SNX29: variants seen among roughly 807,000 people sequenced by gnomAD.
SNX29 encodes the protein sorting nexin-29.
Under a neutral mutation model 102.1 loss-of-function variants are expected in SNX29, and 78 were observed. That is an observed-to-expected ratio of 0.76 (90% CI 0.64 to 0.92). SNX29 has a LOEUF of 0.92. Ranked by LOEUF, SNX29 falls within the 40% of genes least tolerant of loss-of-function variation. The pLI is 0.00. For synonymous variants in SNX29, 580 were observed against 414.5 expected, an observed-to-expected ratio of 1.40 and a Z score of -4.85; for missense variants, 1,280 against 1,061.7, an observed-to-expected ratio of 1.21 and a Z score of -2.86.
At chr16:12,556,803 A>G (rs1399899655) in intron 20 of SNX29, among the ~76,000 whole-genome samples, 1 of 152,104 alleles carries the variant, frequency 6.6e-6, no homozygotes, top group Non-Finnish European at 1.5e-5. Flanking sequence ...TGCCCCCTTT[A>G]CTAAAGTACA....
chr16:12,284,078 G>A (rs1364887937), intron 15 of SNX29, among the ~76,000 whole-genome samples: 1 of 152,196 alleles, frequency 6.6e-6, no homozygotes, highest in South Asian at 2.1e-4. Flanking sequence ...CATTTCCTTT[G>A]GTTTGGACTC....
chr16:12,281,806 C>G (rs1464527112), intron 15 of SNX29, among the ~76,000 whole-genome samples: 1 of 152,082 alleles, frequency 6.6e-6, no homozygotes, highest in African/African-American at 2.4e-5. Context: ...CGTGGTGGCT[C>G]AAACCTGTAA....
chr16:12,548,382 A>T (rs1319223279), intron 20 of SNX29, among the ~76,000 whole-genome samples: 1 of 152,124 alleles, frequency 6.6e-6, no homozygotes, highest in Non-Finnish European at 1.5e-5. Flanking sequence ...GGAGTCCCAC[A>T]CCTTCTAAGG....
chr16:12,001,469 A>T (rs2056285627), intron 2 of SNX29, among the ~76,000 whole-genome samples: 1 of 152,234 alleles, frequency 6.6e-6, no homozygotes, highest in East Asian at 1.9e-4. Context: ...AAAGTGTTGC[A>T]TATGACTTTT....
intron 20 of SNX29, among the ~76,000 whole-genome samples, chr16:12,560,036 TACACAAAGAAAAA>T (rs2078628148): frequency 1.3e-5 from 2 of 152,002 alleles, no homozygotes; most frequent in Non-Finnish European, 2.9e-5. Flanking sequence ...GTATGACAAA[TACACAAAGAAAAA>T]TGACTAGAAA....
intron 14 of SNX29, among the ~76,000 whole-genome samples, chr16:12,219,950 A>C (rs1469923001): frequency 6.6e-6 from 1 of 152,130 alleles, no homozygotes; most frequent in Non-Finnish European, 1.5e-5. Flanking sequence ...GTGCACGTGC[A>C]CGCACACACA....
intron 14 of SNX29, among the ~76,000 whole-genome samples, chr16:12,264,982 T>C (rs1327636513): frequency 6.6e-6 from 1 of 152,212 alleles, no homozygotes; most frequent in Non-Finnish European, 1.5e-5. Flanking sequence ...TGAACCCAGA[T>C]ACATCTGCTG....
intron 1 of SNX29, 112 bp downstream of exon 1, chr16:11,976,925 C>T: frequency 8.0e-7 from 1 of 1,245,676 alleles, no homozygotes; most frequent in Non-Finnish European, 1.0e-6. Flanking sequence ...CAGACCCCCT[C>T]CCAGTCGCTC....
intron 18 of SNX29, among the ~76,000 whole-genome samples, chr16:12,426,604 C>G (rs954665571): frequency 6.6e-5 from 10 of 152,164 alleles, no homozygotes; most frequent in Non-Finnish European, 1.2e-4. Context: ...TGATGTAGAT[C>G]TAATTTTTAA....
rs945439375 is a variant in SNX29 at position 12,568,762 on chromosome 16, A to G, written c.*133A>G. On this transcript the variant is annotated 3_prime_UTR_variant, in exon 21 of 21. Coordinates refer to ENST00000566228, the MANE Select transcript of SNX29 (RefSeq NM_032167.5). ...ATCCTGAGAGCACACGATTCCCAAC[A>G]GTTACACAACACCCCGATTAAACTA... 5 of 1,342,746 alleles carry G rather than the reference A, an allele frequency of 3.7e-6. No individual in the cohort carries two copies. The highest frequency in any genetic ancestry group is 5.0e-6 in the Non-Finnish European group (5 of 1,003,304). The allele number at this position is 1,342,746 out of a possible 1,614,324, so 83.2% of individuals were successfully genotyped here. A position where few individuals can be genotyped will look rare whatever the true frequency, so the allele number is the denominator to read the frequency against.
rs115421845 is a variant in SNX29, at chr16:12,452,294, C to G, written c.2038-25425C>G. Among the ~76,000 whole-genome samples the G allele has an allele frequency of 8.4e-3, 1,275 of 152,370 alleles. 21 individuals are homozygous for G. The highest frequency in any genetic ancestry group is 0.029 in the African/African-American group (1,213 of 41,584). On this transcript the variant is annotated intron_variant, in intron 18 of 20. Coordinates refer to ENST00000566228, the MANE Select transcript of SNX29 (RefSeq NM_032167.5). ...TTTTTTATTGTCACAACTGGGGTGG[C>G]TGCTACTGGCATCTCATGGGTGCAG...
rs1370001040 is a variant in SNX29 at position 12,569,404 on chromosome 16, C to T, written c.*775C>T. 4.3e-5 allele frequency: 10 copies of T among 230,798 alleles called. No individual in the cohort carries two copies. The highest frequency in any genetic ancestry group is 8.6e-5 in the Non-Finnish European group (10 of 116,648). The allele number at this position is 230,798 out of a possible 1,614,324, so 14.3% of individuals were successfully genotyped here. A position where few individuals can be genotyped will look rare whatever the true frequency, so the allele number is the denominator to read the frequency against. ...ATCTGGCCCAGCCATCAGCAGCAAC[C>T]TAGTAACCCGGCGTCATCCAGCGTG... On this transcript the variant is annotated 3_prime_UTR_variant, in exon 21 of 21. Transcript: ENST00000566228.
intron 11 of SNX29, among the ~76,000 whole-genome samples, chr16:12,125,930 A>G (rs1017306062): frequency 6.6e-6 from 1 of 152,158 alleles, no homozygotes; most frequent in African/African-American, 2.4e-5. Context: ...TGCAAGGCCC[A>G]GAACCCAGAT....
intron 18 of SNX29, among the ~76,000 whole-genome samples, chr16:12,449,749 C>T (rs899437657): frequency 1.3e-5 from 2 of 152,206 alleles, no homozygotes; most frequent in African/African-American, 4.8e-5. Context: ...TGACCACTAT[C>T]CCTTCTCTTC....
Position 12,570,212 on chromosome 16 carries a change from G to T in SNX29, c.*1583G>T. ...CCTACATGACTTCCAAGGGGACCTG[G>T]GGCCAGATAAGCCCTGCCCCGGTGA... On this transcript the variant is annotated 3_prime_UTR_variant, in exon 21 of 21. Transcript: ENST00000566228. The T allele has an allele frequency of 6.6e-6, 7 of 1,065,130 alleles. No individual in the cohort carries two copies. Among genetic ancestry groups the T allele is most frequent in the Non-Finnish European group, 6.8e-6 (6 of 879,162 alleles). 66.0% of individuals were successfully genotyped at this position (1,065,130 alleles called of 1,614,324 possible). A position where few individuals can be genotyped will look rare whatever the true frequency, so the allele number is the denominator to read the frequency against.
chr16:12,543,427 G>C (rs1223085258), intron 20 of SNX29, among the ~76,000 whole-genome samples: 1 of 152,208 alleles, frequency 6.6e-6, no homozygotes, highest in African/African-American at 2.4e-5. Flanking sequence ...GAGAGAAAGT[G>C]GGTGGGCAAA....
intron 18 of SNX29, among the ~76,000 whole-genome samples, chr16:12,410,397 C>A (rs183691650): frequency 1.3e-5 from 2 of 152,104 alleles, no homozygotes; most frequent in African/African-American, 2.4e-5. Flanking sequence ...AGTATCTGAA[C>A]TCTTCCCATC....
At chr16:12,539,701 C>G (rs547812255) in intron 20 of SNX29, among the ~76,000 whole-genome samples, 21 of 152,326 alleles carry the variant, frequency 1.4e-4, no homozygotes, top group African/African-American at 4.8e-4. Flanking sequence ...GCATGTCATA[C>G]TGTCATGATT....
intron 18 of SNX29, among the ~76,000 whole-genome samples, chr16:12,424,475 G>C (rs930783959): frequency 6.6e-6 from 1 of 152,120 alleles, no homozygotes; most frequent in Non-Finnish European, 1.5e-5. Flanking sequence ...TTCCTTGGGC[G>C]ACTAGAACCA....
Sources: gnomAD v4.1 joint callset for allele counts (sites outside exome capture counted in the v4.1 genomes callset) on GRCh38, gnomAD v4.1.1 for gene constraint, MANE v1.5 for transcripts, NCBI Gene and HGNC (gene_info 2026-07-23, HGNC 2026-07-21) for gene names.